The following TENM2 variants were observed in gnomAD, a reference collection of about 807,000 sequenced individuals.
TENM2 encodes teneurin transmembrane protein 2.
In TENM2, 52 loss-of-function variants were observed where a neutral mutation model predicts 245.2. The observed-to-expected ratio is 0.21, with a 90% CI of 0.17 to 0.27. TENM2 has a LOEUF of 0.27. TENM2 is among the 10% of genes least tolerant of loss of function. The pLI, the probability that TENM2 is intolerant of heterozygous loss-of-function variation, is 1.00. For missense variants in TENM2, 3,046 were observed against 3,666.8 expected, an observed-to-expected ratio of 0.83 and a Z score of 4.37; for synonymous variants, 1,363 against 1,438.9, an observed-to-expected ratio of 0.95 and a Z score of 1.19.
chr5:168,004,245 C>A (rs543305030), intron 5 of TENM2, among the ~76,000 whole-genome samples: 99 of 152,124 alleles, frequency 6.5e-4, no homozygotes, highest in Non-Finnish European at 1.3e-3. Context: ...CCTTCCCATG[C>A]CTTATTTTGC....
chr5:167,407,376 C>A (rs572677535), intron 2 of TENM2, among the ~76,000 whole-genome samples: 133 of 152,216 alleles, frequency 8.7e-4, no homozygotes, highest in African/African-American at 3.1e-3. Context: ...AGCTGTGTTC[C>A]CAGCTGGTTG....
At chr5:167,844,784 T>C (rs1276646578) in intron 2 of TENM2, among the ~76,000 whole-genome samples, 2 of 151,140 alleles carry the variant, frequency 1.3e-5, no homozygotes, top group Non-Finnish European at 2.9e-5. Context: ...TTTATCTCAA[T>C]GCAGGTTTGA....
At chr5:167,957,867 A>C (rs1050887863) in intron 4 of TENM2, among the ~76,000 whole-genome samples, 1 of 152,082 alleles carries the variant, frequency 6.6e-6, no homozygotes, top group African/African-American at 2.4e-5. Flanking sequence ...ATTCTTTTGC[A>C]TTTGCTGGGG....
At chr5:167,437,162 G>T (rs776648372) in intron 2 of TENM2, among the ~76,000 whole-genome samples, 1 of 152,170 alleles carries the variant, frequency 6.6e-6, no homozygotes, top group African/African-American at 2.4e-5. Flanking sequence ...GCAGCCAGGA[G>T]GGGGGCTATA....
intron 2 of TENM2, among the ~76,000 whole-genome samples, chr5:167,505,686 G>C (rs1399690536): frequency 6.6e-6 from 1 of 152,114 alleles, no homozygotes; most frequent in African/African-American, 2.4e-5. Context: ...CATTTACTAA[G>C]GGAATATAGC....
chr5:167,750,108 C>T (rs1761862085), intron 2 of TENM2, among the ~76,000 whole-genome samples: 1 of 152,028 alleles, frequency 6.6e-6, no homozygotes, highest in Non-Finnish European at 1.5e-5. Context: ...GTTAATGGCC[C>T]ACCTCGAGGA....
At chr5:168,095,535 A>T (rs1233558080) in intron 8 of TENM2, among the ~76,000 whole-genome samples, 1 of 152,052 alleles carries the variant, frequency 6.6e-6, no homozygotes, top group Non-Finnish European at 1.5e-5. Context: ...TCAGTATCTT[A>T]TTCTGTTCAA....
chr5:167,174,364 G>A, the TENM2 span, among the ~76,000 whole-genome samples: 1 of 152,188 alleles, frequency 6.6e-6, no homozygotes, highest in East Asian at 1.9e-4. Flanking sequence ...CTTCTCTTAT[G>A]TGGCAGATTT....
At chr5:167,676,160 GT>G (rs1324590866) in intron 2 of TENM2, among the ~76,000 whole-genome samples, 1 of 151,960 alleles carries the variant, frequency 6.6e-6, no homozygotes, top group Non-Finnish European at 1.5e-5. Context: ...AGGTGTCATT[GT>G]TTTAGAGGCA....
At chr5:167,016,414 G>C in the TENM2 span, among the ~76,000 whole-genome samples, 569 of 151,824 alleles carry the variant, frequency 3.7e-3, 4 homozygotes, top group African/African-American at 0.013. Flanking sequence ...CTGGTTTTGA[G>C]TGTAACAGAA....
At chr5:168,142,832 G>T (rs1755672972) in intron 12 of TENM2, among the ~76,000 whole-genome samples, 1 of 152,190 alleles carries the variant, frequency 6.6e-6, no homozygotes, top group Non-Finnish European at 1.5e-5. Context: ...AGTCCTAAAT[G>T]ATCCCCTGCC....
the TENM2 span, among the ~76,000 whole-genome samples, chr5:167,228,726 A>T: frequency 3.4e-5 from 5 of 147,956 alleles, no homozygotes; most frequent in Non-Finnish European, 5.9e-5. Context: ...TATTTTTGAG[A>T]TGGAGTCTCG....
chr5:167,636,005 A>G (rs1468181690), intron 2 of TENM2, among the ~76,000 whole-genome samples: 1 of 151,308 alleles, frequency 6.6e-6, no homozygotes, highest in African/African-American at 2.4e-5. Context: ...CATAAGGAGG[A>G]AGTTTTTGTT....
chr5:168,203,694 G>T, exon 18 of TENM2: 1 of 1,605,780 alleles, frequency 6.2e-7, no homozygotes, highest in Non-Finnish European at 8.5e-7. Context: ...TTCAGTGTCT[G>T]TCGGGTTTGA....
chr5:167,396,770 T>G (rs1762077820), intron 2 of TENM2, among the ~76,000 whole-genome samples: 1 of 152,214 alleles, frequency 6.6e-6, no homozygotes, highest in African/African-American at 2.4e-5. Context: ...GAGAAATGGT[T>G]AAGACTTTTT....
At chr5:168,019,227 G>A (rs1033494723) in intron 5 of TENM2, among the ~76,000 whole-genome samples, 12 of 152,166 alleles carry the variant, frequency 7.9e-5, no homozygotes, top group Non-Finnish European at 4.4e-5. Context: ...GAGAAGGACA[G>A]CATGACAACA....
chr5:167,648,695 G>T (rs139758061), intron 2 of TENM2, among the ~76,000 whole-genome samples: 1 of 152,312 alleles, frequency 6.6e-6, no homozygotes, highest in African/African-American at 2.4e-5. Flanking sequence ...GGGTGGAAGA[G>T]GTGCAGGGGG....
intron 17 of TENM2, among the ~76,000 whole-genome samples, chr5:168,200,712 A>G (rs1761865934): frequency 6.6e-6 from 1 of 152,208 alleles, no homozygotes; most frequent in South Asian, 2.1e-4. Flanking sequence ...GCTATGTTCC[A>G]GGGCTTTGCC....
intron 4 of TENM2, among the ~76,000 whole-genome samples, chr5:167,969,080 G>C (rs1017634857): frequency 6.6e-6 from 1 of 152,086 alleles, no homozygotes; most frequent in Admixed American, 6.6e-5. Flanking sequence ...TGCCGACTTT[G>C]TGCCCAGTAG....
Sources: gnomAD v4.1 joint callset for allele counts (sites outside exome capture counted in the v4.1 genomes callset) on GRCh38, gnomAD v4.1.1 for gene constraint, MANE v1.5 for transcripts, NCBI Gene and HGNC (gene_info 2026-07-23, HGNC 2026-07-21) for gene names.